Variants in OR2L13 observed in about 807,000 individuals in gnomAD.
The protein encoded by OR2L13 is olfactory receptor 2L13.
In OR2L13, 14 loss-of-function variants were observed where a neutral mutation model predicts 15.3. The observed-to-expected ratio is 0.91, with a 90% CI of 0.60 to 1.43. The LOEUF (loss-of-function observed/expected upper bound fraction) is 1.43, where lower values mean the gene tolerates loss of function less well. Among genes scored for constraint, OR2L13 ranks in the 40% most tolerant of loss-of-function variants. OR2L13 has a pLI of 0.00. For synonymous variants in OR2L13, 152 were observed against 142.9 expected, an observed-to-expected ratio of 1.06 and a Z score of -0.45; for missense variants, 367 against 387.9, an observed-to-expected ratio of 0.95 and a Z score of 0.45.
At chr1:248,047,523 C>T in the OR2L13 span, among the ~76,000 whole-genome samples, 5 of 152,006 alleles carry the variant, frequency 3.3e-5, no homozygotes, top group East Asian at 7.7e-4. Context: ...TGAAGGTAAC[C>T]GTATGATTAG....
At chr1:247,974,393 C>T in the OR2L13 span, among the ~76,000 whole-genome samples, 1 of 151,890 alleles carries the variant, frequency 6.6e-6, no homozygotes, top group Non-Finnish European at 1.5e-5. Flanking sequence ...ACATAACCTG[C>T]ACATTCAGCA....
chr1:247,999,383 CT>C, the OR2L13 span, among the ~76,000 whole-genome samples: 2 of 152,098 alleles, frequency 1.3e-5, no homozygotes, highest in African/African-American at 4.8e-5. Flanking sequence ...AGCTGATGCA[CT>C]ATTGTGGGCC....
the OR2L13 span, among the ~76,000 whole-genome samples, chr1:248,037,355 C>T: frequency 6.6e-6 from 1 of 152,152 alleles, no homozygotes; most frequent in Admixed American, 6.5e-5. Context: ...GAAAAATCAT[C>T]CAGAAAAAGT....
the OR2L13 span, among the ~76,000 whole-genome samples, chr1:248,085,436 T>TAAAATAAAATAAAATAAAATAATAA: frequency 0.053 from 4,495 of 84,436 alleles, 670 homozygotes; most frequent in Middle Eastern, 0.071. Flanking sequence ...TAAAATAAAA[T>TAAAATAAAATAAAATAAAATAATAA]AATAAAATAA....
At chr1:247,968,314 G>A in the OR2L13 span, among the ~76,000 whole-genome samples, 2 of 152,038 alleles carry the variant, frequency 1.3e-5, no homozygotes, top group Non-Finnish European at 1.5e-5. Flanking sequence ...GCTTTTGGAA[G>A]AATACCTTTT....
At chr1:248,074,557 C>T in the OR2L13 span, among the ~76,000 whole-genome samples, 1 of 152,094 alleles carries the variant, frequency 6.6e-6, no homozygotes, top group Non-Finnish European at 1.5e-5. Flanking sequence ...CAACAACGTT[C>T]AAGCTGAGAG....
chr1:247,965,728 A>G, the OR2L13 span: 1 of 1,558,780 alleles, frequency 6.4e-7, no homozygotes, highest in Non-Finnish European at 8.7e-7. Flanking sequence ...CCTTGGTTTT[A>G]TGTCTTATGA....
the OR2L13 span, among the ~76,000 whole-genome samples, chr1:247,944,005 T>C: frequency 1.3e-5 from 2 of 152,206 alleles, no homozygotes; most frequent in East Asian, 3.8e-4. Flanking sequence ...TATGAGAGTC[T>C]ATTTCTTGAC....
At chr1:247,993,072 T>G in the OR2L13 span, among the ~76,000 whole-genome samples, 1 of 152,156 alleles carries the variant, frequency 6.6e-6, no homozygotes, top group Non-Finnish European at 1.5e-5. Context: ...CCATAGTGAC[T>G]GGTATAAAAT....
At chr1:247,958,724 G>A in the OR2L13 span, among the ~76,000 whole-genome samples, 1 of 151,750 alleles carries the variant, frequency 6.6e-6, no homozygotes, top group African/African-American at 2.4e-5. Context: ...TTTGATCTTT[G>A]TTGGTTTAAA....
At chr1:248,076,878 T>A in the OR2L13 span, among the ~76,000 whole-genome samples, 3 of 152,200 alleles carry the variant, frequency 2.0e-5, no homozygotes, top group African/African-American at 7.2e-5. Flanking sequence ...TCCAACACTA[T>A]GTTGAATAGG....
chr1:247,983,873 G>A, the OR2L13 span, among the ~76,000 whole-genome samples: 45 of 152,334 alleles, frequency 3.0e-4, no homozygotes, highest in African/African-American at 9.4e-4. Context: ...GCCTTATTGG[G>A]AAGTGCTTCC....
the OR2L13 span, among the ~76,000 whole-genome samples, chr1:248,009,084 G>A: frequency 5.3e-4 from 81 of 151,926 alleles, 1 homozygote; most frequent in South Asian, 2.1e-3. Context: ...ATCAGAAAGC[G>A]GGAAAAATCT....
chr1:248,059,927 C>T, the OR2L13 span, among the ~76,000 whole-genome samples: 1 of 151,964 alleles, frequency 6.6e-6, no homozygotes, highest in Non-Finnish European at 1.5e-5. Flanking sequence ...GTAGTCTCAG[C>T]TACTCAGGAG....
the OR2L13 span, chr1:248,061,504 G>C: frequency 6.2e-7 from 1 of 1,613,896 alleles, no homozygotes; most frequent in Non-Finnish European, 8.5e-7. Context: ...GGTTCTGGCT[G>C]TCTTCTACAC....
chr1:247,994,384 G>T, the OR2L13 span, among the ~76,000 whole-genome samples: 2 of 151,966 alleles, frequency 1.3e-5, no homozygotes, highest in South Asian at 2.1e-4. Flanking sequence ...GCGACAGAGC[G>T]AGACTCCATC....
the OR2L13 span, among the ~76,000 whole-genome samples, chr1:247,944,302 T>C: frequency 6.6e-6 from 1 of 152,120 alleles, no homozygotes. Flanking sequence ...TAATAATTAT[T>C]TTATTGTTTG....
the OR2L13 span, chr1:248,038,832 A>G: frequency 6.2e-7 from 1 of 1,614,172 alleles, no homozygotes; most frequent in Non-Finnish European, 8.5e-7. Context: ...GCTAGCCTGC[A>G]CAGACACTTG....
chr1:247,990,396 A>G, the OR2L13 span: 4 of 1,587,076 alleles, frequency 2.5e-6, no homozygotes, highest in South Asian at 2.2e-5. Context: ...AAACCTATCC[A>G]TGATTCTTCT....
Sources: gnomAD v4.1 joint callset for allele counts (sites outside exome capture counted in the v4.1 genomes callset) on GRCh38, gnomAD v4.1.1 for gene constraint, MANE v1.5 for transcripts, NCBI Gene and HGNC (gene_info 2026-07-23, HGNC 2026-07-21) for gene names.